The following SAPCD2 variants were observed in gnomAD, a reference collection of about 807,000 sequenced individuals.
The protein encoded by SAPCD2 is suppressor APC domain-containing protein 2.
In SAPCD2, 34 loss-of-function variants were observed where a neutral mutation model predicts 37.8. The observed-to-expected ratio is 0.90, with a 90% CI of 0.68 to 1.20. The LOEUF (loss-of-function observed/expected upper bound fraction) is 1.20, where lower values mean the gene tolerates loss of function less well. Among genes scored for constraint, SAPCD2 ranks in the 50% most tolerant of loss-of-function variants. The probability of loss-of-function intolerance (pLI) is 0.00; values close to 1 mark genes in which losing one functional copy is unlikely to be tolerated. For synonymous variants in SAPCD2, 275 were observed against 270.3 expected, an observed-to-expected ratio of 1.02 and a Z score of -0.17; for missense variants, 572 against 584.7, an observed-to-expected ratio of 0.98 and a Z score of 0.22.
In SAPCD2 at chr9:137,066,306, C is replaced by T; in HGVS notation, c.640G>A (p.Glu214Lys). 1.2e-6 allele frequency: 2 copies of T among 1,609,926 alleles called. No individual in the cohort carries two copies. The highest frequency in any genetic ancestry group is 1.7e-6 in the Non-Finnish European group (2 of 1,179,116). Reference protein sequence around the residue: ...DARRAPRARGERRRHTIASGV... With the variant: ...DARRAPRARGKRRRHTIASGV... ...CTGGCGATGGTGTGCCTCCGACGTT[C>T]CCCTCGGGCACGGGGAGCCCGCCGG... Residue 214 changes from glutamate (E) to lysine (K), a missense_variant, in exon 2 of 6, where the codon GAA becomes AAA. By Grantham distance (56) the Glu-to-Lys change is moderately conservative (BLOSUM62 1). Coordinates refer to ENST00000409687, the MANE Select transcript of SAPCD2 (RefSeq NM_178448.4).
intron 1 of SAPCD2, among the ~76,000 whole-genome samples, chr9:137,067,808 G>A (rs144334202): frequency 0.027 from 3,314 of 123,320 alleles, 70 homozygotes; most frequent in Middle Eastern, 0.065. Flanking sequence ...AAAAAGTCCC[G>A]CGTGTGTGAT....
In SAPCD2 at chr9:137,065,813, G is replaced by A. The variant is rs887122435; in HGVS notation, c.685-145C>T. The A allele has an allele frequency of 7.1e-5, 70 of 981,226 alleles. 1 individual carries two copies. In the Middle Eastern group the frequency reaches 1.1e-3, roughly 16 times the overall value. 60.8% of individuals were successfully genotyped at this position (981,226 alleles called of 1,614,324 possible). ...TACACGTTTGCAAACACCCACGGAC[G>A]CACGCTTCTGCTGACACCTGCATGT... On this transcript the variant is annotated intron_variant, in intron 2 of 5. Coordinates refer to ENST00000409687, the MANE Select transcript of SAPCD2 (RefSeq NM_178448.4).
At chr9:137,068,913 C>G (rs1832586588) in intron 1 of SAPCD2, among the ~76,000 whole-genome samples, 1 of 152,274 alleles carries the variant, frequency 6.6e-6, no homozygotes, top group African/African-American at 2.4e-5. Context: ...GGTGTGGCTG[C>G]TGGATCAGAT....
rs958403140 is a variant in SAPCD2, at chr9:137,070,022, G to A, written c.439C>T (p.Pro147Ser). 1.7e-6 allele frequency: 2 copies of A among 1,205,162 alleles called. No homozygotes were observed. The highest frequency in any genetic ancestry group is 6.8e-5 in the East Asian group (2 of 29,274). 74.7% of individuals were successfully genotyped at this position (1,205,162 alleles called of 1,614,324 possible). A position where few individuals can be genotyped will look rare whatever the true frequency, so the allele number is the denominator to read the frequency against. The change falls in exon 1 of 6, where the codon CCT becomes TCT. Residue 147 changes from proline (P) to serine (S), a missense_variant. Pro to Ser is a moderately conservative substitution (Grantham distance 74). Transcript: ENST00000409687. The stretch of plus-strand genomic sequence containing the variant: ...GCGGCGGCGCTGGGACCGGCCAGAG[G>A]GGCGCGCACGCCCAGGGGCAGGGGC... Reference protein sequence around the residue: ...RKPLPLGVRAPLAGPSAAARS... With the variant: ...RKPLPLGVRASLAGPSAAARS...
intron 1 of SAPCD2, 124 bp downstream of exon 1, chr9:137,069,766 C>T: frequency 2.9e-6 from 2 of 685,616 alleles, no homozygotes; most frequent in Non-Finnish European, 4.0e-6. Context: ...ATCCGGAGTC[C>T]ACGAAGAGCC....
chr9:137,065,701 C>G, intron 2 of SAPCD2, 33 bp from the exon 3 acceptor site: 1 of 1,575,646 alleles, frequency 6.3e-7, no homozygotes, highest in Non-Finnish European at 8.7e-7. Context: ...GAATGCCTGG[C>G]CCCAGTGAGC....
rs780347209 is a variant in SAPCD2 at position 137,064,766 on chromosome 9, G to T, written c.1078C>A (p.Arg360Ser). ...LTQEVTEKSE[R>S]ITQLEQEKSA... The stretch of plus-strand genomic sequence containing the variant: ...TTCTCCTGCTCCAGCTGCGTGATGC[G>T]CTCACTCTTCTCGGTCACCTCCTGG... The change falls in exon 6 of 6, where the codon CGC becomes AGC. Residue 360 changes from arginine to serine, a missense_variant. Transcript: ENST00000409687. 2 of 1,594,398 alleles carry T rather than the reference G, an allele frequency of 1.3e-6. No individual in the cohort carries two copies. The highest frequency in any genetic ancestry group is 1.7e-5 in the Admixed American group (1 of 57,968).
intron 1 of SAPCD2, among the ~76,000 whole-genome samples, chr9:137,068,971 C>T (rs1315086528): frequency 6.6e-6 from 1 of 152,258 alleles, no homozygotes; most frequent in Non-Finnish European, 1.5e-5. Flanking sequence ...AGCTGTAGGG[C>T]TGGAGAATAT....
Position 137,070,230 on chromosome 9 carries a change from C to T in SAPCD2, c.231G>A (p.Pro77=). 7.1e-7 allele frequency: 1 copy of T among 1,412,910 alleles called. No homozygotes were observed. Among genetic ancestry groups the T allele is most frequent in the Non-Finnish European group, 9.3e-7 (1 of 1,079,056 alleles). The allele number at this position is 1,412,910 out of a possible 1,614,324, so 87.5% of individuals were successfully genotyped here. ...GVLEGLRQVA[P]ASGYLTFERF... is the part of the protein sequence containing the mutation. ...GCTCGAAGGTCAGGTAGCCGCTGGC[C>T]GGGGCCACCTGGCGCAAGCCCTCCA... The change falls in exon 1 of 6, where the codon CCG becomes CCA. Residue 77 remains proline (P), a synonymous_variant. Transcript: ENST00000409687.
chr9:137,069,839 G>C (rs1564262509), intron 1 of SAPCD2, 51 bp downstream of exon 1: 7 of 1,180,196 alleles, frequency 5.9e-6, no homozygotes, highest in Non-Finnish European at 5.3e-6. Flanking sequence ...GCGGTTTCTG[G>C]CCCGGGCCCG....
Position 137,070,525 on chromosome 9 carries a change from GGCC to G in SAPCD2, c.-68_-66del. 9.5e-7 allele frequency: 1 copy of G among 1,054,486 alleles called. No homozygotes were observed. The highest frequency in any genetic ancestry group is 1.2e-6 in the Non-Finnish European group (1 of 835,674). The allele number at this position is 1,054,486 out of a possible 1,614,324, so 65.3% of individuals were successfully genotyped here. ...CCCAGCGCGGCCCCACGGAGGGGCC[GGCC>G]CGGCGAGCTCAGCCCACGGCGACAA... On this transcript the variant is annotated 5_prime_UTR_variant, in exon 1 of 6. Transcript: ENST00000409687.
chr9:137,068,696 T>C (rs1238501569), intron 1 of SAPCD2, among the ~76,000 whole-genome samples: 1 of 152,212 alleles, frequency 6.6e-6, no homozygotes, highest in Non-Finnish European at 1.5e-5. Context: ...CAGGGAGATG[T>C]GGTACGTGAG....
At chr9:137,068,831 C>T (rs111405137) in intron 1 of SAPCD2, among the ~76,000 whole-genome samples, 12 of 152,352 alleles carry the variant, frequency 7.9e-5, no homozygotes, top group African/African-American at 2.4e-4. Flanking sequence ...ACATGGATGA[C>T]GCTGACCCTG....
rs928214858 is a variant in SAPCD2 at position 137,070,546 on chromosome 9, G to T, written c.-86C>A. The T allele has an allele frequency of 3.5e-6, 3 of 852,676 alleles. No individual in the cohort carries two copies. Among genetic ancestry groups the T allele is most frequent in the Non-Finnish European group, 1.5e-6 (1 of 652,892 alleles). The allele number at this position is 852,676 out of a possible 1,614,324, so 52.8% of individuals were successfully genotyped here. On this transcript the variant is annotated 5_prime_UTR_variant, in exon 1 of 6. Coordinates refer to ENST00000409687, the MANE Select transcript of SAPCD2 (RefSeq NM_178448.4). ...GGCCGGCCCGGCGAGCTCAGCCCAC[G>T]GCGACAATAGCGACTACTTTTGAAT...
At position 137,064,096 on chromosome 9, in the gene SAPCD2, G is replaced by A. The variant is rs1564259742; in HGVS notation, c.*563C>T. On this transcript the variant is annotated 3_prime_UTR_variant, in exon 6 of 6. Transcript: ENST00000409687. The stretch of plus-strand genomic sequence containing the variant: ...CTTGGCCAGAACCTGAAGTCCGACC[G>A]CTATCCCTGGGGCTCCCCAGCCAGG... 1.8e-5 allele frequency: 3 copies of A among 169,468 alleles called. No homozygotes were observed. The highest frequency in any genetic ancestry group is 1.9e-4 in the East Asian group (1 of 5,360). 10.5% of individuals were successfully genotyped at this position (169,468 alleles called of 1,614,324 possible). A position where few individuals can be genotyped will look rare whatever the true frequency, so the allele number is the denominator to read the frequency against.
At chr9:137,069,089 G>A (rs1832589411) in intron 1 of SAPCD2, among the ~76,000 whole-genome samples, 1 of 152,252 alleles carries the variant, frequency 6.6e-6, no homozygotes, top group African/African-American at 2.4e-5. Flanking sequence ...GGGTGCACAG[G>A]CCGAATGGGC....
chr9:137,069,040 G>T (rs950703602), intron 1 of SAPCD2, among the ~76,000 whole-genome samples: 2 of 152,230 alleles, frequency 1.3e-5, no homozygotes, highest in Non-Finnish European at 2.9e-5. Context: ...CACAGGGACC[G>T]GCAGGAGCCA....
Position 137,070,019 on chromosome 9 carries a change from G to C in SAPCD2, c.442C>G (p.Leu148Val), listed in dbSNP as rs985904690. 2.5e-6 allele frequency: 3 copies of C among 1,206,786 alleles called. No individual in the cohort carries two copies. In the African/African-American group the frequency reaches 4.7e-5, roughly 19 times the overall value. 74.8% of individuals were successfully genotyped at this position (1,206,786 alleles called of 1,614,324 possible). ...CGGGCGGCGGCGCTGGGACCGGCCAGAGGGGCGCGCACGCCCAGGGGCAGG... is the reference window on the plus strand; with the variant it reads ...CGGGCGGCGGCGCTGGGACCGGCCACAGGGGCGCGCACGCCCAGGGGCAGG... ...KPLPLGVRAP[L>V]AGPSAAARSP... is the part of the protein sequence containing the mutation. Residue 148 changes from leucine to valine, a missense_variant, in exon 1 of 6, where the codon CTG (leucine) becomes GTG (valine). Coordinates refer to ENST00000409687, the MANE Select transcript of SAPCD2 (RefSeq NM_178448.4).
At position 137,065,066 on chromosome 9, in the gene SAPCD2, G is replaced by C; in HGVS notation, c.939+12C>G. ...GCCCCAGCGTGGGTGTGGGGGTTTG[G>C]GGTACACTCACCCGGCTGGCACAGG... On this transcript the variant is annotated intron_variant, in intron 4 of 5. Transcript: ENST00000409687. 1 of 1,518,234 alleles carries C rather than the reference G, an allele frequency of 6.6e-7. No homozygotes were observed. Among genetic ancestry groups the C allele is most frequent in the Non-Finnish European group, 8.8e-7 (1 of 1,130,374 alleles). The allele number at this position is 1,518,234 out of a possible 1,614,324, so 94.0% of individuals were successfully genotyped here.
Sources: gnomAD v4.1 joint callset for allele counts (sites outside exome capture counted in the v4.1 genomes callset) on GRCh38, gnomAD v4.1.1 for gene constraint, MANE v1.5 for transcripts, NCBI Gene and HGNC (gene_info 2026-07-23, HGNC 2026-07-21) for gene names.